The following LRP4 variants were observed in gnomAD, a reference collection of about 807,000 sequenced individuals.
LRP4 encodes LDL receptor related protein 4.
A neutral mutation model predicts 220.3 loss-of-function variants in LRP4; 95 were observed. That is an observed-to-expected ratio of 0.43 (90% confidence interval 0.37 to 0.51). The LOEUF (loss-of-function observed/expected upper bound fraction) is 0.51. Among genes scored for constraint, LRP4 ranks in the 20% least tolerant of loss-of-function variants. The pLI, the probability that LRP4 is intolerant of heterozygous loss-of-function variation, is 0.00. For synonymous variants in LRP4, 903 were observed against 954.6 expected (o/e 0.95, Z 1.00); for missense variants, 1,925 against 2,567.0 (o/e 0.75, Z 5.40).
rs1941988077 is a variant in LRP4 at position 46,918,489 on chromosome 11, C to T, written c.-110G>A. On this transcript the variant is annotated 5_prime_UTR_variant, in exon 1 of 38. Coordinates refer to ENST00000378623, the MANE Select transcript of LRP4 (RefSeq NM_002334.4). The surrounding 1 kb of genome is among the most constrained non-coding windows in gnomAD (Gnocchi z 6.0). ...GGAAGCGTCCCGGGTGCACGGCGGCCTGCGCGCCCCGCAAGTCGCCCTCGG... is the reference window on the plus strand; with the variant it reads ...GGAAGCGTCCCGGGTGCACGGCGGCTTGCGCGCCCCGCAAGTCGCCCTCGG... 1.3e-6 allele frequency: 1 copy of T among 742,898 alleles called. No homozygotes were observed. The highest frequency in any genetic ancestry group is 5.0e-5 in the Admixed American group (1 of 20,004). 46.0% of individuals were successfully genotyped at this position (742,898 alleles called of 1,614,324 possible). A position where few individuals can be genotyped will look rare whatever the true frequency, so the allele number is the denominator to read the frequency against.
rs1353756177 is a variant in LRP4 at position 46,898,690 on chromosome 11, A to G, written c.677-13T>C. ...GGCTGGTGGGAGGCTAGGGAAACACAAGACTTCTGTCTCTAGCCAGTCTGT... is the reference window on the plus strand; with the variant it reads ...GGCTGGTGGGAGGCTAGGGAAACACGAGACTTCTGTCTCTAGCCAGTCTGT... On this transcript the variant is annotated splice_polypyrimidine_tract_variant and intron_variant, in intron 6 of 37. Coordinates refer to ENST00000378623, the MANE Select transcript of LRP4 (RefSeq NM_002334.4). 3 of 1,613,758 alleles carry G rather than the reference A, an allele frequency of 1.9e-6. No homozygotes were observed. The highest frequency in any genetic ancestry group is 2.5e-6 in the Non-Finnish European group (3 of 1,180,012).
At chr11:46,864,085 T>C (rs1940630926) in intron 36 of LRP4, among the ~76,000 whole-genome samples, 2 of 152,320 alleles carry the variant, frequency 1.3e-5, no homozygotes, top group South Asian at 2.1e-4. Context: ...GGGAAAATCA[T>C]TTCCAATTTC....
intron 22 of LRP4, 39 bp from the exon 23 acceptor site, chr11:46,877,378 C>T: frequency 6.2e-7 from 1 of 1,612,636 alleles, no homozygotes; most frequent in Non-Finnish European, 8.5e-7. Context: ...CACTCGAGCA[C>T]AGCCATTAAA....
chr11:46,916,463 C>T (rs1941947678), intron 1 of LRP4, among the ~76,000 whole-genome samples: 1 of 152,142 alleles, frequency 6.6e-6, no homozygotes, highest in African/African-American at 2.4e-5. Context: ...AGAAAGAAAC[C>T]TAAAAGCGTT....
chr11:46,875,597 C>T lies in LRP4; in HGVS notation c.3784G>A (p.Asp1262Asn), dbSNP rs762687512. Residue 1262 changes from aspartate to asparagine, a missense_variant, in exon 27 of 38, where the codon GAC (aspartate) becomes AAC (asparagine). Asp to Asn is a conservative substitution (Grantham distance 23). This residue lies in a region of LRP4 where 1,244 missense variants were observed against 1,624.9 expected (regional missense o/e 0.77). Transcript: ENST00000378623. The surrounding 1 kb of genome is among the most constrained non-coding windows in gnomAD (Gnocchi z 4.5). The stretch of plus-strand genomic sequence containing the variant: ...CAGTCAGTCCAGTAGATATAGGAGT[C>T]GAGCAGGGTGAGGCCATATGGGTGC... ...VQHPYGLTLL[D>N]SYIYWTDWQT... The T allele has an allele frequency of 1.8e-5, 29 of 1,613,970 alleles. No homozygotes were observed. The highest frequency in any genetic ancestry group is 4.0e-5 in the African/African-American group (3 of 74,866).
chr11:46,872,318 G>A (rs1940889275), intron 30 of LRP4, among the ~76,000 whole-genome samples: 1 of 152,146 alleles, frequency 6.6e-6, no homozygotes, highest in Admixed American at 6.5e-5. Context: ...GTTAAAAGAA[G>A]AAGGCATTCT....
At chr11:46,909,799 A>G (rs1941826643) in intron 1 of LRP4, among the ~76,000 whole-genome samples, 1 of 151,984 alleles carries the variant, frequency 6.6e-6, no homozygotes, top group African/African-American at 2.4e-5. Flanking sequence ...AAAGGAAAAG[A>G]GACTCAGAAT....
rs1276037511 is a variant in LRP4, at chr11:46,873,987, G to A, written c.4230-394C>T. 2 of 223,294 alleles carry A rather than the reference G, an allele frequency of 9.0e-6. No homozygotes were observed. Among genetic ancestry groups the A allele is most frequent in the Non-Finnish European group, 1.8e-5 (2 of 112,550 alleles). 13.8% of individuals were successfully genotyped at this position (223,294 alleles called of 1,614,324 possible). Reference sequence around the variant, plus strand: ...AAGTTAAAAACAATTTTAAATACAAGTAGATATGAGGTTTCATTATGTTGC... The same window carrying A: ...AAGTTAAAAACAATTTTAAATACAAATAGATATGAGGTTTCATTATGTTGC... On this transcript the variant is annotated intron_variant, in intron 28 of 37. Transcript: ENST00000378623. The surrounding 1 kb of genome is among the most constrained non-coding windows in gnomAD (Gnocchi z 4.2).
At chr11:46,913,464 A>G (rs746549515) in intron 1 of LRP4, among the ~76,000 whole-genome samples, 18 of 152,268 alleles carry the variant, frequency 1.2e-4, no homozygotes, top group Non-Finnish European at 2.1e-4. Flanking sequence ...GTTGGGGGCT[A>G]TTCGGGGCTG....
At chr11:46,868,272 A>G (rs1392296928) in intron 33 of LRP4, among the ~76,000 whole-genome samples, 158 bp from the exon 34 acceptor site, 1 of 152,166 alleles carries the variant, frequency 6.6e-6, no homozygotes. Flanking sequence ...AATAAAAAGG[A>G]GTTGGATTCA....
rs1407623302 is a variant in LRP4 at position 46,875,715 on chromosome 11, C to T, written c.3700-34G>A. On this transcript the variant is annotated intron_variant, in intron 26 of 37. Coordinates refer to ENST00000378623, the MANE Select transcript of LRP4 (RefSeq NM_002334.4). This position sits in a 1 kb window ranked among gnomAD's most constrained non-coding sequence, Gnocchi z 4.5. ...GAAGGAGAGGGTGGGGGGTGGTGATCAGCAGATTGGGAACTCTCCATGGAG... is the reference window on the plus strand; with the variant it reads ...GAAGGAGAGGGTGGGGGGTGGTGATTAGCAGATTGGGAACTCTCCATGGAG... 2 of 1,612,726 alleles carry T rather than the reference C, an allele frequency of 1.2e-6. No individual in the cohort carries two copies. The highest frequency in any genetic ancestry group is 8.5e-7 in the Non-Finnish European group (1 of 1,178,872).
At chr11:46,872,996 ATACCAAGAAGCT>A in intron 30 of LRP4, 92 bp downstream of exon 30, 1 of 1,490,478 alleles carries the variant, frequency 6.7e-7, no homozygotes, top group Non-Finnish European at 9.3e-7. Flanking sequence ...TCTTCCCCAC[ATACCAAGAAGCT>A]TTCTATCTTT....
At chr11:46,859,647 A>G (rs1940486497) in intron 37 of LRP4, among the ~76,000 whole-genome samples, 1 of 152,178 alleles carries the variant, frequency 6.6e-6, no homozygotes, top group South Asian at 2.1e-4. Flanking sequence ...TGAGGAGAGT[A>G]ACAGTATCCA....
chr11:46,906,474 C>T (rs1303558867), intron 1 of LRP4, among the ~76,000 whole-genome samples: 1 of 148,878 alleles, frequency 6.7e-6, no homozygotes, highest in Non-Finnish European at 1.5e-5. Flanking sequence ...AAAAAAGCAA[C>T]AAAGATTAGA....
Position 46,868,003 on chromosome 11 carries a change from G to A in LRP4, c.5063C>T (p.Thr1688Met), listed in dbSNP as rs766225540. The A allele has an allele frequency of 3.1e-5, 50 of 1,614,014 alleles. 1 individual carries two copies. Among genetic ancestry groups the A allele is most frequent in the East Asian group, 8.9e-5 (4 of 44,894 alleles). The change falls in exon 34 of 38, where the codon ACG (threonine) becomes ATG (methionine). Residue 1688 changes from threonine (T) to methionine (M), a missense_variant. Thr to Met is a moderately conservative substitution (Grantham distance 81). Transcript: ENST00000378623. ...CCTTCCTTCCACCTCCTCCAGAGAC[G>A]TGCGGGTCCGGGTGGTTGAAGAATA... ...TLYSSTTRTRTSLEEVEGRCS... is the reference protein window; with the variant it reads ...TLYSSTTRTRMSLEEVEGRCS...
intron 37 of LRP4, among the ~76,000 whole-genome samples, chr11:46,860,089 G>T (rs991773746): frequency 2.0e-5 from 3 of 151,898 alleles, no homozygotes; most frequent in South Asian, 2.1e-4. Context: ...ACAAAAATCA[G>T]CTGGGTTTGG....
At chr11:46,916,638 C>G (rs1370132901) in intron 1 of LRP4, among the ~76,000 whole-genome samples, 3 of 152,052 alleles carry the variant, frequency 2.0e-5, no homozygotes, top group Admixed American at 6.6e-5. Flanking sequence ...TCCAGCTCCC[C>G]CTTCCCTAGG....
In LRP4 at chr11:46,858,744, G is replaced by A. The variant is rs1940447202; in HGVS notation, c.*239C>T. ...TCAGGGGGCCCAGGATGGAGTACAAGATGTGAGGTTCATGGTAAAATCCAG... is the reference window on the plus strand; with the variant it reads ...TCAGGGGGCCCAGGATGGAGTACAAAATGTGAGGTTCATGGTAAAATCCAG... On this transcript the variant is annotated 3_prime_UTR_variant, in exon 38 of 38. Transcript: ENST00000378623. 1 of 573,652 alleles carries A rather than the reference G, an allele frequency of 1.7e-6. No individual in the cohort carries two copies. The highest frequency in any genetic ancestry group is 2.6e-5 in the Admixed American group (1 of 37,998). The allele number at this position is 573,652 out of a possible 1,614,324, so 35.5% of individuals were successfully genotyped here.
Position 46,916,701 on chromosome 11 carries a change from A to ATT in LRP4, c.52+1625_52+1626dup, listed in dbSNP as rs532846709. 3.3e-3 allele frequency among the ~76,000 whole-genome samples: 473 copies of ATT among 142,984 alleles called. 1 individual carries two copies. The highest frequency in any genetic ancestry group is 0.012 in the African/African-American group (460 of 39,122). 93.8% of individuals were successfully genotyped at this position (142,984 alleles called of 152,430 possible). On this transcript the variant is annotated intron_variant, in intron 1 of 37. Coordinates refer to ENST00000378623, the MANE Select transcript of LRP4 (RefSeq NM_002334.4). ...TTTGTTGGTATCCGTTTTAACCCTA[A>ATT]TTTTTTTTTTTTTTCCCAGTGCCTT...
Sources: allele counts gnomAD v4.1 joint callset (sites outside exome capture counted in the v4.1 genomes callset), GRCh38; gene constraint gnomAD v4.1.1; regional missense constraint gnomAD v4.1.1; non-coding constraint Gnocchi (gnomAD v3.1); transcripts MANE v1.5; gene names NCBI Gene and HGNC (gene_info 2026-07-23, HGNC 2026-07-21).